PRDM5: variants seen among roughly 807,000 people sequenced by gnomAD.
The protein encoded by PRDM5 is PR/SET domain 5, also known as PR domain zinc finger protein 5.
In PRDM5, 56 loss-of-function variants were observed where a neutral mutation model predicts 81.2. The observed-to-expected ratio is 0.69, with a 90% CI of 0.56 to 0.86. PRDM5 has a LOEUF of 0.86. Among genes scored for constraint, PRDM5 ranks in the 40% least tolerant of loss-of-function variants. PRDM5 has a pLI of 0.00. For synonymous variants in PRDM5, 267 were observed against 256.4 expected (o/e 1.04, Z -0.39); for missense variants, 697 against 770.1 (o/e 0.91, Z 1.12).
At chr4:120,757,086 T>C (rs1049707916) in intron 13 of PRDM5, among the ~76,000 whole-genome samples, 3 of 152,176 alleles carry the variant, frequency 2.0e-5, no homozygotes, top group African/African-American at 7.2e-5. Flanking sequence ...ACTATTTCCT[T>C]TCATAACAGC....
chr4:120,824,366 C>A (rs183656443), intron 3 of PRDM5, among the ~76,000 whole-genome samples: 1 of 152,146 alleles, frequency 6.6e-6, no homozygotes, highest in South Asian at 2.1e-4. Context: ...CCCTCCTGGA[C>A]GCCTTGTATA....
At chr4:120,819,248 TTA>T (rs1754948533) in intron 4 of PRDM5, among the ~76,000 whole-genome samples, 1 of 152,206 alleles carries the variant, frequency 6.6e-6, no homozygotes, top group Admixed American at 6.5e-5. Context: ...ATATACAATT[TTA>T]TATGTTTTCC....
At chr4:120,871,341 G>T (rs1761764119) in intron 2 of PRDM5, among the ~76,000 whole-genome samples, 1 of 152,090 alleles carries the variant, frequency 6.6e-6, no homozygotes, top group African/African-American at 2.4e-5. Context: ...TGACTGACAG[G>T]TCACAGCTTC....
intron 3 of PRDM5, among the ~76,000 whole-genome samples, chr4:120,824,983 C>T (rs1481178584): frequency 6.6e-6 from 1 of 152,018 alleles, no homozygotes; most frequent in Non-Finnish European, 1.5e-5. Flanking sequence ...TTATTTATTA[C>T]TTTTGTAGTA....
chr4:120,888,987 G>C (rs72680471), intron 2 of PRDM5, among the ~76,000 whole-genome samples: 20,452 of 151,540 alleles, frequency 0.13, 1,472 homozygotes, highest in South Asian at 0.2. Context: ...CCTTTTTTCA[G>C]AAATGTATTA....
At chr4:120,768,352 T>A (rs1746709003) in intron 13 of PRDM5, among the ~76,000 whole-genome samples, 1 of 152,110 alleles carries the variant, frequency 6.6e-6, no homozygotes, top group Admixed American at 6.6e-5. Context: ...ATCTAGAAAA[T>A]GAGAATGGTC....
rs1369334058 is a variant in PRDM5, at chr4:120,777,264, C to G, written c.1461G>C (p.Lys487Asn). 1 of 1,613,374 alleles carries G rather than the reference C, an allele frequency of 6.2e-7. No homozygotes were observed. Among genetic ancestry groups the G allele is most frequent in the Admixed American group, 1.7e-5 (1 of 59,956 alleles). ...RSHKKTHTGE[K>N]EKICPYCGQK... is the part of the protein sequence containing the mutation. ...GGCCACAATATGGACAGATTTTCTC[C>G]TTTTCTCCTGTATGTGTCTAAAAGG... Residue 487 changes from lysine to asparagine, a missense_variant, in exon 13 of 16, where the codon AAG (lysine) becomes AAC (asparagine). Lys to Asn is a moderately conservative substitution (Grantham distance 94). This residue lies in a region of PRDM5 where 577 missense variants were observed against 606.7 expected (regional missense o/e 0.95). Transcript: ENST00000264808.
intron 2 of PRDM5, 42 bp from the exon 3 acceptor site, chr4:120,853,582 A>ATT: frequency 6.2e-7 from 1 of 1,612,852 alleles, no homozygotes; most frequent in Non-Finnish European, 8.5e-7. Context: ...GGAAGTCAGA[A>ATT]TATTAGCCTT....
intron 15 of PRDM5, among the ~76,000 whole-genome samples, chr4:120,700,071 C>G (rs1350590203): frequency 6.6e-6 from 1 of 152,144 alleles, no homozygotes; most frequent in Non-Finnish European, 1.5e-5. Context: ...GTAACCAAAA[C>G]AGCAGGATGC....
chr4:120,906,434 C>T (rs534091068), intron 2 of PRDM5, among the ~76,000 whole-genome samples: 2 of 152,322 alleles, frequency 1.3e-5, no homozygotes, highest in South Asian at 4.1e-4. Flanking sequence ...CAAATATGCT[C>T]TATGATGTTC....
At position 120,692,640 on chromosome 4, in the gene PRDM5, C is replaced by T. The variant is rs941249220; in HGVS notation, c.*2471G>A. 1.3e-4 allele frequency: 20 copies of T among 152,032 alleles called. No individual in the cohort carries two copies. Among genetic ancestry groups the T allele is most frequent in the Non-Finnish European group, 2.6e-4 (18 of 67,984 alleles). 9.4% of individuals were successfully genotyped at this position (152,032 alleles called of 1,614,324 possible). A position where few individuals can be genotyped will look rare whatever the true frequency, so the allele number is the denominator to read the frequency against. On this transcript the variant is annotated 3_prime_UTR_variant, in exon 16 of 16. Coordinates refer to ENST00000264808, the MANE Select transcript of PRDM5 (RefSeq NM_018699.4). ...ATCTGAACCCACCTACATTATTGAACGTCTCTTAAATTTACTTAGCCAATT... is the reference window on the plus strand; with the variant it reads ...ATCTGAACCCACCTACATTATTGAATGTCTCTTAAATTTACTTAGCCAATT...
chr4:120,781,417 T>A (rs1268756517), intron 11 of PRDM5, 114 bp from the exon 12 acceptor site: 1 of 912,972 alleles, frequency 1.1e-6, no homozygotes, highest in Non-Finnish European at 1.7e-6. Flanking sequence ...GCTCTAAGAA[T>A]GTTAACTTTT....
chr4:120,768,238 GA>G (rs897897049), intron 13 of PRDM5, among the ~76,000 whole-genome samples: 5 of 151,672 alleles, frequency 3.3e-5, no homozygotes, highest in Admixed American at 6.6e-5. Context: ...TAGCTATATA[GA>G]AAAAAAAGAG....
intron 15 of PRDM5, among the ~76,000 whole-genome samples, chr4:120,699,161 A>ATATATATATATATAT (rs1560888990): frequency 4.1e-5 from 3 of 73,478 alleles, no homozygotes; most frequent in African/African-American, 4.4e-5. Context: ...AGGAAATATA[A>ATATATATATATATAT]ATATATATAT....
At chr4:120,872,482 A>C (rs1423906826) in intron 2 of PRDM5, among the ~76,000 whole-genome samples, 1 of 152,192 alleles carries the variant, frequency 6.6e-6, no homozygotes, top group East Asian at 1.9e-4. Flanking sequence ...TTATACTTAT[A>C]TGAGGCATCT....
chr4:120,853,443 T>C lies in PRDM5; in HGVS notation c.275A>G (p.Glu92Gly). 6.2e-7 allele frequency: 1 copy of C among 1,613,764 alleles called. No individual in the cohort carries two copies. Among genetic ancestry groups the C allele is most frequent in the African/African-American group, 1.3e-5 (1 of 75,010 alleles). ...TTGAATGGCAGCCAAGTTCTTCTGC[T>C]CCTGAGATGGTGCCTCATGAACGAA... ...LRFVHEAPSQ[E>G]QKNLAAIQEG... The change falls in exon 3 of 16, where the codon GAG becomes GGG. Residue 92 changes from glutamate to glycine, a missense_variant. Transcript: ENST00000264808.
intron 10 of PRDM5, among the ~76,000 whole-genome samples, chr4:120,794,903 G>A (rs1751134699): frequency 6.6e-6 from 1 of 152,130 alleles, no homozygotes. Context: ...TGGGATTACA[G>A]GCATGAGCCA....
At chr4:120,760,443 A>T (rs1745442039) in intron 13 of PRDM5, among the ~76,000 whole-genome samples, 1 of 152,214 alleles carries the variant, frequency 6.6e-6, no homozygotes, top group Non-Finnish European at 1.5e-5. Flanking sequence ...ATGTCATACC[A>T]TCCTATGAGA....
chr4:120,809,047 C>G (rs971344033), intron 8 of PRDM5, among the ~76,000 whole-genome samples: 1 of 152,226 alleles, frequency 6.6e-6, no homozygotes, highest in East Asian at 1.9e-4. Flanking sequence ...GCTCCTCAAG[C>G]ATGGCCAGAG....
Sources: allele counts gnomAD v4.1 joint callset (sites outside exome capture counted in the v4.1 genomes callset), GRCh38; gene constraint gnomAD v4.1.1; regional missense constraint gnomAD v4.1.1; transcripts MANE v1.5; gene names NCBI Gene and HGNC (gene_info 2026-07-23, HGNC 2026-07-21).